The following ZNF438 variants were observed in gnomAD, a reference collection of about 807,000 sequenced individuals.
The protein encoded by ZNF438 is zinc finger protein 438.
ZNF438 carries 25 observed loss-of-function variants against 38.0 expected under a neutral mutation model. The ratio of observed to expected loss-of-function variants is 0.66; its 90% CI spans 0.48 to 0.92. The LOEUF (loss-of-function observed/expected upper bound fraction) is 0.92. ZNF438 is among the 40% of genes least tolerant of loss of function. The pLI, the probability that ZNF438 is intolerant of heterozygous loss-of-function variation, is 0.00. For missense variants in ZNF438, 1,007 were observed against 999.6 expected (o/e 1.01, Z -0.10); for synonymous variants, 372 against 364.1 (o/e 1.02, Z -0.25).
At chr10:30,997,358 A>G (rs2054160044) in intron 1 of ZNF438, among the ~76,000 whole-genome samples, 1 of 152,110 alleles carries the variant, frequency 6.6e-6, no homozygotes, top group East Asian at 1.9e-4. Flanking sequence ...ATGGGAGGGG[A>G]AAAAAATGAA....
chr10:30,863,602 T>C lies in ZNF438; in HGVS notation c.38-13235A>G, dbSNP rs188403265. Among the ~76,000 whole-genome samples, 577 of 152,340 alleles carry C rather than the reference T, an allele frequency of 3.8e-3. 5 individuals carry two copies. The highest frequency in any genetic ancestry group is 0.011 in the African/African-American group (466 of 41,580). On this transcript the variant is annotated intron_variant, in intron 4 of 5. Coordinates refer to ENST00000413025, the Ensembl canonical transcript of ZNF438. ...GGGTTGAAGGGAATATCTATTCTCA[T>C]CCACAGATGAAGAGTATGTCAGAGT...
At chr10:30,942,604 T>C (rs1339878900) in intron 1 of ZNF438, among the ~76,000 whole-genome samples, 1 of 152,154 alleles carries the variant, frequency 6.6e-6, no homozygotes, top group African/African-American at 2.4e-5. Context: ...TAGACCACAA[T>C]AGACCTTTCT....
intron 1 of ZNF438, among the ~76,000 whole-genome samples, chr10:30,985,726 T>C (rs1171777251): frequency 6.6e-6 from 1 of 152,208 alleles, no homozygotes; most frequent in African/African-American, 2.4e-5. Context: ...GAAGTCACCA[T>C]GAACACTGAA....
At chr10:31,008,367 C>T (rs1331550309) in intron 1 of ZNF438, among the ~76,000 whole-genome samples, 1 of 152,100 alleles carries the variant, frequency 6.6e-6, no homozygotes, top group Non-Finnish European at 1.5e-5. Flanking sequence ...CAGAGTTGTG[C>T]CACAATCACC....
intron 1 of ZNF438, among the ~76,000 whole-genome samples, chr10:31,003,597 T>C (rs905353839): frequency 5.3e-5 from 8 of 152,322 alleles, no homozygotes; most frequent in Admixed American, 4.6e-4. Flanking sequence ...AAGTGCATTC[T>C]TCTCAGGGCT....
chr10:31,007,534 C>A (rs1334848403), intron 1 of ZNF438, among the ~76,000 whole-genome samples: 1 of 152,132 alleles, frequency 6.6e-6, no homozygotes, highest in African/African-American at 2.4e-5. Context: ...CCCGCCTTGG[C>A]CTCCCAAAGT....
In ZNF438 at chr10:30,970,105, TACACACACACAC is replaced by T. The variant is rs55745286; in HGVS notation, c.-191-28466_-191-28455del. Among the ~76,000 whole-genome samples, 333 of 145,216 alleles carry T rather than the reference TACACACACACAC, an allele frequency of 2.3e-3. 2 individuals are homozygous for T. Among genetic ancestry groups the T allele is most frequent in the South Asian group, 0.012 (53 of 4,506 alleles). ...TTCAGCCAGAAGAAATGCTGGCTGA[TACACACACACAC>T]ACACACACACACACACACACACACA... On this transcript the variant is annotated intron_variant, in intron 1 of 5. Coordinates refer to ENST00000413025, the Ensembl canonical transcript of ZNF438.
rs575695544 is a variant in ZNF438, at chr10:30,962,045, C to T, written c.-191-20394G>A. On this transcript the variant is annotated intron_variant, in intron 1 of 5. Transcript: ENST00000413025. Reference sequence around the variant, plus strand: ...CCATCAGTTTAGGTCTTTTAATTTGCTTTTTCTTCTTAAGGTTACAAAAGC... The same window carrying T: ...CCATCAGTTTAGGTCTTTTAATTTGTTTTTTCTTCTTAAGGTTACAAAAGC... Among the ~76,000 whole-genome samples the T allele has an allele frequency of 1.4e-4, 20 of 146,900 alleles. 1 individual carries two copies. In the South Asian group the frequency reaches 4.4e-3, roughly 32 times the overall value.
At chr10:30,898,098 G>T (rs1388507775) in intron 3 of ZNF438, among the ~76,000 whole-genome samples, 1 of 152,126 alleles carries the variant, frequency 6.6e-6, no homozygotes, top group Non-Finnish European at 1.5e-5. Context: ...TTTAGTCTAA[G>T]TAAAGGCATA....
chr10:30,957,180 C>T (rs1223293981), intron 1 of ZNF438, among the ~76,000 whole-genome samples: 13 of 152,104 alleles, frequency 8.5e-5, no homozygotes. Context: ...TTGCCATTTG[C>T]ATGTCTTCTT....
intron 3 of ZNF438, among the ~76,000 whole-genome samples, chr10:30,895,702 T>C (rs946732956): frequency 1.1e-4 from 16 of 152,320 alleles, no homozygotes; most frequent in Non-Finnish European, 1.8e-4. Flanking sequence ...AGCATTTGTA[T>C]AGACATTTCT....
intron 4 of ZNF438, among the ~76,000 whole-genome samples, chr10:30,867,752 G>A (rs1407998139): frequency 5.9e-5 from 9 of 152,098 alleles, no homozygotes; most frequent in Admixed American, 5.9e-4. Flanking sequence ...CTTCACCTTT[G>A]TTTCCTTGAG....
intron 3 of ZNF438, among the ~76,000 whole-genome samples, chr10:30,902,405 A>G (rs1417776963): frequency 6.6e-6 from 1 of 152,214 alleles, no homozygotes; most frequent in Non-Finnish European, 1.5e-5. Flanking sequence ...ATGCATTTAC[A>G]AACCTTGAGC....
intron 1 of ZNF438, among the ~76,000 whole-genome samples, chr10:30,982,011 A>G (rs1292575320): frequency 1.3e-5 from 2 of 152,148 alleles, no homozygotes; most frequent in Admixed American, 6.5e-5. Context: ...CAGAATAATA[A>G]GTTTTTCTTG....
intron 2 of ZNF438, among the ~76,000 whole-genome samples, chr10:30,915,307 G>A (rs914409872): frequency 1.3e-5 from 2 of 152,032 alleles, no homozygotes; most frequent in Non-Finnish European, 2.9e-5. Context: ...ATTCATGCAA[G>A]TCGAGTAGCT....
rs7912389 is a variant in ZNF438, at chr10:31,018,350, C to T, written c.-192+13483G>A. 6.1e-3 allele frequency among the ~76,000 whole-genome samples: 930 copies of T among 152,214 alleles called. 11 individuals are homozygous for T. Among genetic ancestry groups the T allele is most frequent in the African/African-American group, 0.021 (870 of 41,530 alleles). On this transcript the variant is annotated intron_variant, in intron 1 of 5. Coordinates refer to ENST00000413025, the Ensembl canonical transcript of ZNF438. The stretch of plus-strand genomic sequence containing the variant: ...GGCTAATCGTTCTCTTATTTGATGC[C>T]CTCTTGTAGTTACTGGCAAGGACGA...
At chr10:30,890,673 T>C (rs1231631421) in intron 3 of ZNF438, among the ~76,000 whole-genome samples, 2 of 152,258 alleles carry the variant, frequency 1.3e-5, no homozygotes, top group Non-Finnish European at 1.5e-5. Context: ...ATTTTTACTT[T>C]GCAATCTAAA....
At chr10:30,883,731 C>CA (rs1292810011) in intron 3 of ZNF438, among the ~76,000 whole-genome samples, 1 of 152,016 alleles carries the variant, frequency 6.6e-6, no homozygotes, top group African/African-American at 2.4e-5. Flanking sequence ...CCCATCTCTA[C>CA]AAAAAATACA....
intron 1 of ZNF438, among the ~76,000 whole-genome samples, chr10:30,992,291 G>C (rs2132551951): frequency 1.3e-5 from 2 of 152,260 alleles, no homozygotes; most frequent in East Asian, 3.9e-4. Flanking sequence ...TTGGAACTGG[G>C]TAACGGGTAG....
Sources: allele counts gnomAD v4.1 joint callset (sites outside exome capture counted in the v4.1 genomes callset), GRCh38; gene constraint gnomAD v4.1.1; transcripts MANE v1.5; gene names NCBI Gene and HGNC (gene_info 2026-07-23, HGNC 2026-07-21).